The following ALMS1 variants were observed in gnomAD, a reference collection of about 807,000 sequenced individuals.
The protein encoded by ALMS1 is ALMS1 centrosome and basal body associated protein, also known as centrosome-associated protein ALMS1.
Under a neutral mutation model 352.2 loss-of-function variants are expected in ALMS1, and 271 were observed. The ratio of observed to expected loss-of-function variants is 0.77; its 90% CI spans 0.70 to 0.85. ALMS1 has a LOEUF of 0.85. Ranked by LOEUF, ALMS1 falls within the 40% of genes least tolerant of loss-of-function variation. The pLI is 0.00. For synonymous variants in ALMS1, 1,865 were observed against 1,761.2 expected (o/e 1.06, Z -1.48); for missense variants, 5,445 against 4,870.7 (o/e 1.12, Z -3.51).
intron 16 of ALMS1, among the ~76,000 whole-genome samples, chr2:73,595,569 T>G (rs74869006): frequency 0.025 from 3,853 of 152,332 alleles, 156 homozygotes; most frequent in African/African-American, 0.087. Context: ...GTTTGATTTT[T>G]TTGGATGTGA....
At chr2:73,465,091 C>T (rs181498610) in intron 9 of ALMS1, among the ~76,000 whole-genome samples, 16 of 152,222 alleles carry the variant, frequency 1.1e-4, no homozygotes, top group African/African-American at 3.9e-4. Flanking sequence ...CAATGCCATC[C>T]CCATCAAGCT....
chr2:73,563,059 G>A (rs552389083), intron 15 of ALMS1, among the ~76,000 whole-genome samples: 3 of 150,774 alleles, frequency 2.0e-5, no homozygotes, highest in Non-Finnish European at 4.4e-5. Context: ...AGCAAAGCAT[G>A]CAAGTCTATA....
At chr2:73,415,687 A>G (rs1466750539) in intron 2 of ALMS1, among the ~76,000 whole-genome samples, 2 of 152,176 alleles carry the variant, frequency 1.3e-5, no homozygotes, top group Non-Finnish European at 2.9e-5. Context: ...AGGTTTAGTG[A>G]CATCAATTTA....
chr2:73,470,587 A>T (rs1672447109), intron 9 of ALMS1: 1 of 151,832 alleles, frequency 6.6e-6, no homozygotes, highest in African/African-American at 2.4e-5. Flanking sequence ...TTTATGACTT[A>T]ATATGTGATC....
chr2:73,519,788 A>G lies in ALMS1; in HGVS notation c.9553A>G (p.Met3185Val). ...PVFADRLPEK[M>V]KTPLSAFSEK... ...TTTTTTGGTCAGATTACCAGAGAAGATGAAGACCCCACTTTCTGCTTTCTC... is the reference window on the plus strand; with the variant it reads ...TTTTTTGGTCAGATTACCAGAGAAGGTGAAGACCCCACTTTCTGCTTTCTC... The change falls in exon 11 of 23, where the codon ATG becomes GTG. Residue 3185 changes from methionine (M) to valine (V), a missense_variant. Coordinates refer to ENST00000613296, the MANE Select transcript of ALMS1 (RefSeq NM_001378454.1). The G allele has an allele frequency of 6.2e-7, 1 of 1,614,084 alleles. No homozygotes were observed. The highest frequency in any genetic ancestry group is 8.5e-7 in the Non-Finnish European group (1 of 1,179,948).
At chr2:73,441,779 GT>G (rs148887496) in intron 7 of ALMS1, among the ~76,000 whole-genome samples, 6 of 149,062 alleles carry the variant, frequency 4.0e-5, no homozygotes, top group Admixed American at 6.7e-5. Flanking sequence ...CTACCTTTCA[GT>G]TTTTTTTTTG....
intron 2 of ALMS1, among the ~76,000 whole-genome samples, chr2:73,414,386 ATAT>A (rs1671138708): frequency 6.6e-6 from 1 of 150,870 alleles, no homozygotes; most frequent in African/African-American, 2.4e-5. Flanking sequence ...TTTTAAAAAA[ATAT>A]TTCCTTTAGG....
At chr2:73,503,719 T>A (rs1381162517) in intron 10 of ALMS1, among the ~76,000 whole-genome samples, 2 of 152,162 alleles carry the variant, frequency 1.3e-5, no homozygotes, top group African/African-American at 4.8e-5. Flanking sequence ...CCACCAACAG[T>A]GTAAAAGTGT....
chr2:73,453,004 A>T lies in ALMS1; in HGVS notation c.6477A>T (p.Arg2159Ser), dbSNP rs772943318. 138 of 1,612,818 alleles carry T rather than the reference A, an allele frequency of 8.6e-5. No homozygotes were observed. The highest frequency in any genetic ancestry group is 1.1e-4 in the Non-Finnish European group (133 of 1,179,662). The change falls in exon 8 of 23, where the codon AGA becomes AGT. Residue 2159 changes from arginine to serine, a missense_variant. By Grantham distance (110) the Arg-to-Ser change is moderately radical. Coordinates refer to ENST00000613296, the MANE Select transcript of ALMS1 (RefSeq NM_001378454.1). ...DIFYQKDLPD[R>S]HLTEDALKIS... ...TCTATCAAAAGGATTTGCCAGATAG[A>T]CATCTAACTGAAGATGCTCTAAAGA...
At chr2:73,497,304 T>A (rs553127920) in intron 10 of ALMS1, among the ~76,000 whole-genome samples, 8 of 152,272 alleles carry the variant, frequency 5.3e-5, no homozygotes, top group African/African-American at 1.7e-4. Flanking sequence ...AATTTTTAAA[T>A]TTTCATTTCA....
In ALMS1 at chr2:73,572,790, A is replaced by T; in HGVS notation, c.10913A>T (p.Asn3638Ile). ...GATCGTTTGGCTAAAATTCTTCAGAATCCAATCACACATTCTCTCCAGGTC... is the reference window on the plus strand; with the variant it reads ...GATCGTTTGGCTAAAATTCTTCAGATTCCAATCACACATTCTCTCCAGGTC... Reference protein sequence around the residue: ...RLDRLAKILQNPITHSLQVSE... With the variant: ...RLDRLAKILQIPITHSLQVSE... The change falls in exon 16 of 23, where the codon AAT (asparagine) becomes ATT (isoleucine). Residue 3638 changes from asparagine (N) to isoleucine (I), a missense_variant. Asn to Ile is a moderately radical substitution (Grantham distance 149). Transcript: ENST00000613296. The T allele has an allele frequency of 6.2e-7, 1 of 1,614,112 alleles. No homozygotes were observed. Among genetic ancestry groups the T allele is most frequent in the Non-Finnish European group, 8.5e-7 (1 of 1,180,004 alleles).
At chr2:73,428,856 T>C (rs1671445976) in intron 6 of ALMS1, among the ~76,000 whole-genome samples, 1 of 152,228 alleles carries the variant, frequency 6.6e-6, no homozygotes, top group South Asian at 2.1e-4. Context: ...CCTTGGTTTT[T>C]CCTTATGCTC....
chr2:73,484,377 T>A (rs1296277066), intron 9 of ALMS1, among the ~76,000 whole-genome samples: 1 of 151,016 alleles, frequency 6.6e-6, no homozygotes, highest in East Asian at 1.9e-4. Context: ...AAAATTCTTT[T>A]CTTTAAGAAT....
At chr2:73,494,123 A>C (rs73947808) in intron 10 of ALMS1, among the ~76,000 whole-genome samples, 33,795 of 152,116 alleles carry the variant, frequency 0.22, 3,876 homozygotes, top group African/African-American at 0.25. Flanking sequence ...ATGACACCTA[A>C]GCTTCCCTTA....
chr2:73,455,247 G>T lies in ALMS1; in HGVS notation c.7626G>T (p.Glu2542Asp). The change falls in exon 9 of 23, where the codon GAG (glutamate) becomes GAT (aspartate). Residue 2542 changes from glutamate to aspartate, a missense_variant. Transcript: ENST00000613296. ...LNEDDRRKVE[E>D]IKAELFGHGR... ...AAGATGACAGGAGGAAAGTAGAAGA[G>T]ATCAAGGCAGAGTTATTTGGTCATG... The T allele has an allele frequency of 1.2e-6, 2 of 1,614,138 alleles. No individual in the cohort carries two copies. Among genetic ancestry groups the T allele is most frequent in the Non-Finnish European group, 1.7e-6 (2 of 1,180,004 alleles).
At chr2:73,588,504 CTGTG>C (rs1451264232) in intron 16 of ALMS1, among the ~76,000 whole-genome samples, 1 of 152,068 alleles carries the variant, frequency 6.6e-6, no homozygotes, top group Non-Finnish European at 1.5e-5. Flanking sequence ...TGTGCTTTCT[CTGTG>C]TGTTTTCACT....
At position 73,573,049 on chromosome 2, in the gene ALMS1, G is replaced by A. The variant is rs555646959; in HGVS notation, c.11172G>A (p.Gln3724=). The stretch of plus-strand genomic sequence containing the variant: ...TTGATAAATATATTCTGAGTAAACA[G>A]CCAGGTTTTAATTATATAAGCAACA... The part of the protein sequence containing the change: ...IKFDKYILSK[Q]PGFNYISNTS... The change falls in exon 16 of 23, where the codon CAG becomes CAA. Residue 3724 remains glutamine (Q), a synonymous_variant. Transcript: ENST00000613296. 1.2e-6 allele frequency: 2 copies of A among 1,614,040 alleles called. No individual in the cohort carries two copies. Among genetic ancestry groups the A allele is most frequent in the African/African-American group, 1.3e-5 (1 of 75,030 alleles).
intron 16 of ALMS1, among the ~76,000 whole-genome samples, chr2:73,590,178 C>G (rs931273836): frequency 1.3e-5 from 2 of 151,794 alleles, no homozygotes; most frequent in African/African-American, 2.4e-5. Flanking sequence ...GTTCATTCAT[C>G]CAAACATAAT....
chr2:73,466,762 TAAAG>T (rs1331909680), intron 9 of ALMS1, among the ~76,000 whole-genome samples: 3 of 152,110 alleles, frequency 2.0e-5, no homozygotes, highest in Non-Finnish European at 4.4e-5. Flanking sequence ...TGTGGATAAA[TAAAG>T]CTAAATACTT....
Sources: gnomAD v4.1 joint callset for allele counts (sites outside exome capture counted in the v4.1 genomes callset) on GRCh38, gnomAD v4.1.1 for gene constraint, MANE v1.5 for transcripts, NCBI Gene and HGNC (gene_info 2026-07-23, HGNC 2026-07-21) for gene names.